BRD10: variants seen among roughly 807,000 people sequenced by gnomAD.
BRD10 encodes uncharacterized bromodomain-containing protein 10.
chr9:5,985,457 C>T, the BRD10 span, among the ~76,000 whole-genome samples: 35 of 152,270 alleles, frequency 2.3e-4, no homozygotes, highest in South Asian at 7.3e-3. Context: ...CTTGTGAACA[C>T]ATATATCTGA....
At chr9:5,956,966 G>T in the BRD10 span, among the ~76,000 whole-genome samples, 1 of 152,042 alleles carries the variant, frequency 6.6e-6, no homozygotes, top group African/African-American at 2.4e-5. Context: ...ACAGTCTAGG[G>T]GGTAGGAAAA....
the BRD10 span, among the ~76,000 whole-genome samples, chr9:5,883,030 G>A: frequency 6.6e-6 from 1 of 152,112 alleles, no homozygotes; most frequent in East Asian, 1.9e-4. Flanking sequence ...GCTGGGGGAG[G>A]GATAGCATTA....
the BRD10 span, chr9:5,968,442 C>T: frequency 1.2e-6 from 2 of 1,612,364 alleles, no homozygotes; most frequent in African/African-American, 1.3e-5. Context: ...CCAGTAACTT[C>T]CCCTGGACTC....
the BRD10 span, chr9:5,944,933 T>A: frequency 6.5e-7 from 1 of 1,542,266 alleles, no homozygotes; most frequent in East Asian, 2.4e-5. Context: ...ATTAATTCCC[T>A]GAGTTCATCA....
chr9:5,934,452 G>C, the BRD10 span, among the ~76,000 whole-genome samples: 9 of 149,136 alleles, frequency 6.0e-5, no homozygotes, highest in African/African-American at 2.2e-4. Flanking sequence ...TCCACCTCCT[G>C]GGTTCAAGCA....
At chr9:5,921,362 T>G in the BRD10 span, 4 of 1,614,018 alleles carry the variant, frequency 2.5e-6, no homozygotes, top group African/African-American at 1.3e-5. Context: ...TATTTGGGGT[T>G]GCTCTGGAGT....
the BRD10 span, chr9:5,920,417 G>C: frequency 1.2e-6 from 2 of 1,613,986 alleles, no homozygotes; most frequent in Non-Finnish European, 8.5e-7. Context: ...GACTAGACTA[G>C]TTACATTGGA....
At chr9:5,974,517 T>C in the BRD10 span, among the ~76,000 whole-genome samples, 1 of 152,114 alleles carries the variant, frequency 6.6e-6, no homozygotes, top group African/African-American at 2.4e-5. Flanking sequence ...ATTGTTTCAG[T>C]TTATTGCCTT....
At chr9:5,892,841 C>G in the BRD10 span, among the ~76,000 whole-genome samples, 4 of 152,306 alleles carry the variant, frequency 2.6e-5, no homozygotes, top group African/African-American at 9.6e-5. Context: ...AGTGGAAAAA[C>G]ATCTGTTCAG....
the BRD10 span, among the ~76,000 whole-genome samples, chr9:5,896,156 C>T: frequency 7.9e-5 from 12 of 152,202 alleles, no homozygotes; most frequent in Non-Finnish European, 2.9e-5. Flanking sequence ...CTGCCACTTG[C>T]TGGTTGTGCA....
chr9:5,922,239 T>G, the BRD10 span: 2 of 1,613,854 alleles, frequency 1.2e-6, no homozygotes, highest in Admixed American at 1.7e-5. Flanking sequence ...GCAAAACAGT[T>G]GAAGGAACTA....
chr9:5,953,654 G>C, the BRD10 span, among the ~76,000 whole-genome samples: 2 of 151,574 alleles, frequency 1.3e-5, no homozygotes, highest in Admixed American at 6.6e-5. Flanking sequence ...TCTTGGAAGA[G>C]TTTCATTCAC....
At chr9:5,911,079 C>G in the BRD10 span, among the ~76,000 whole-genome samples, 1 of 152,168 alleles carries the variant, frequency 6.6e-6, no homozygotes. Flanking sequence ...GCTTTGGATG[C>G]CTGTGCTATG....
At chr9:5,905,473 A>T in the BRD10 span, among the ~76,000 whole-genome samples, 6 of 152,248 alleles carry the variant, frequency 3.9e-5, no homozygotes, top group Non-Finnish European at 8.8e-5. Context: ...ATGCAAGGAA[A>T]GGGTTAAATC....
chr9:5,984,597 T>C, the BRD10 span, among the ~76,000 whole-genome samples: 4 of 152,158 alleles, frequency 2.6e-5, no homozygotes, highest in Non-Finnish European at 5.9e-5. Context: ...ATGCATCTAA[T>C]AGCACAGTTT....
At chr9:5,897,129 C>T in the BRD10 span, among the ~76,000 whole-genome samples, 2 of 152,214 alleles carry the variant, frequency 1.3e-5, no homozygotes, top group South Asian at 2.1e-4. Flanking sequence ...GAATGTTTAG[C>T]ACAGCACCTG....
the BRD10 span, among the ~76,000 whole-genome samples, chr9:5,965,809 AG>A: frequency 1.3e-5 from 2 of 152,230 alleles, no homozygotes; most frequent in Non-Finnish European, 2.9e-5. Context: ...GACTGGATTA[AG>A]GTATGCCCCG....
At chr9:6,007,053 G>T in the BRD10 span, 1 of 809,446 alleles carries the variant, frequency 1.2e-6, no homozygotes, top group East Asian at 2.7e-5. Context: ...GCCCAGCGCC[G>T]CTCCTCCTCC....
chr9:6,001,953 G>C, the BRD10 span, among the ~76,000 whole-genome samples: 7 of 152,128 alleles, frequency 4.6e-5, no homozygotes, highest in Non-Finnish European at 4.4e-5. Flanking sequence ...ACACTACATA[G>C]AATTTCTTCA....
Sources: allele counts gnomAD v4.1 joint callset (sites outside exome capture counted in the v4.1 genomes callset), GRCh38; gene constraint gnomAD v4.1.1; transcripts MANE v1.5; gene names NCBI Gene and HGNC (gene_info 2026-07-23, HGNC 2026-07-21).